EFNA5: variants seen among roughly 807,000 people sequenced by gnomAD.
EFNA5 encodes ephrin A5.
A neutral mutation model predicts 22.9 loss-of-function variants in EFNA5; 5 were observed. The ratio of observed to expected loss-of-function variants is 0.22; its 90% CI spans 0.11 to 0.46. EFNA5 has a LOEUF of 0.46. EFNA5 is among the 20% of genes least tolerant of loss of function. EFNA5 has a pLI of 0.99. For missense variants in EFNA5, 237 were observed against 293.3 expected (o/e 0.81, Z 1.40); for synonymous variants, 113 against 112.2 (o/e 1.01, Z -0.04).
At chr5:107,661,111 T>C (rs1331129617) in intron 1 of EFNA5, among the ~76,000 whole-genome samples, 1 of 142,120 alleles carries the variant, frequency 7.0e-6, no homozygotes, top group Non-Finnish European at 1.5e-5. Flanking sequence ...TTCATCTGTC[T>C]GTTAAAAAAA....
chr5:107,480,590 G>C (rs1750430991), intron 1 of EFNA5, among the ~76,000 whole-genome samples: 1 of 152,186 alleles, frequency 6.6e-6, no homozygotes, highest in African/African-American at 2.4e-5. Flanking sequence ...CTAGTGGAGA[G>C]GGGAGGTATC....
At chr5:107,484,384 T>G (rs1746521431) in intron 1 of EFNA5, among the ~76,000 whole-genome samples, 1 of 152,142 alleles carries the variant, frequency 6.6e-6, no homozygotes. Context: ...TGGAGAAATT[T>G]CTCTTACTGC....
At chr5:107,453,791 C>G (rs1482694726) in intron 1 of EFNA5, among the ~76,000 whole-genome samples, 1 of 152,118 alleles carries the variant, frequency 6.6e-6, no homozygotes, top group Non-Finnish European at 1.5e-5. Flanking sequence ...TGATATGATT[C>G]AAGAGTGCTC....
rs61305329 is a variant in EFNA5 at position 107,384,768 on chromosome 5, A to AT, written c.565+2466dup. ...CTGAGACTAAAGGCACACACACCACATTTTTTTTTTTTTTTTTTTTTTTTT... is the reference window on the plus strand; with the variant it reads ...CTGAGACTAAAGGCACACACACCACATTTTTTTTTTTTTTTTTTTTTTTTTT... On this transcript the variant is annotated intron_variant, in intron 4 of 4. Coordinates refer to ENST00000333274, the MANE Select transcript of EFNA5 (RefSeq NM_001962.3). 8.6e-3 allele frequency among the ~76,000 whole-genome samples: 795 copies of AT among 92,748 alleles called. 9 individuals carry two copies. The highest frequency in any genetic ancestry group is 0.037 in the Admixed American group (291 of 7,912). 60.8% of individuals were successfully genotyped at this position (92,748 alleles called of 152,430 possible).
At chr5:107,523,559 G>A (rs987635463) in intron 1 of EFNA5, among the ~76,000 whole-genome samples, 11 of 152,342 alleles carry the variant, frequency 7.2e-5, no homozygotes, top group Non-Finnish European at 1.3e-4. Context: ...AAGGAAGACA[G>A]TGGCATAAAG....
At chr5:107,390,577 C>T (rs10072838) in intron 2 of EFNA5, among the ~76,000 whole-genome samples, 2,123 of 152,042 alleles carry the variant, frequency 0.014, 42 homozygotes, top group African/African-American at 0.048. Flanking sequence ...AAACATGCCT[C>T]GTTTTTGTCA....
chr5:107,431,417 G>A (rs1392446663), intron 1 of EFNA5, among the ~76,000 whole-genome samples: 1 of 152,170 alleles, frequency 6.6e-6, no homozygotes, highest in Non-Finnish European at 1.5e-5. Context: ...ATACTGTGAA[G>A]GAGCACATAA....
At chr5:107,471,330 T>A (rs1026854780) in intron 1 of EFNA5, among the ~76,000 whole-genome samples, 2 of 152,182 alleles carry the variant, frequency 1.3e-5, no homozygotes, top group African/African-American at 4.8e-5. Context: ...TCCACTGGGC[T>A]TTCTTCAGTG....
chr5:107,650,226 G>T (rs930801334), intron 1 of EFNA5, among the ~76,000 whole-genome samples: 2 of 152,134 alleles, frequency 1.3e-5, no homozygotes, highest in Non-Finnish European at 2.9e-5. Context: ...TTGCAGACAC[G>T]CAATTCAACG....
At chr5:107,571,475 T>C (rs1748803448) in intron 1 of EFNA5, among the ~76,000 whole-genome samples, 1 of 128,904 alleles carries the variant, frequency 7.8e-6, no homozygotes, top group African/African-American at 2.5e-5. Context: ...ACAAAACGCT[T>C]CCTCAATCAC....
At chr5:107,527,493 G>A (rs1281024697) in intron 1 of EFNA5, among the ~76,000 whole-genome samples, 1 of 151,832 alleles carries the variant, frequency 6.6e-6, no homozygotes, top group African/African-American at 2.4e-5. Flanking sequence ...CACCATGTTG[G>A]CCAGGCTTAT....
At chr5:107,486,998 A>G (rs774696911) in intron 1 of EFNA5, among the ~76,000 whole-genome samples, 4 of 152,162 alleles carry the variant, frequency 2.6e-5, no homozygotes, top group Non-Finnish European at 5.9e-5. Context: ...TAAGACCTAC[A>G]TCTGTTCACA....
intron 1 of EFNA5, among the ~76,000 whole-genome samples, chr5:107,525,854 C>T (rs1238446499): frequency 2.0e-5 from 3 of 152,076 alleles, no homozygotes; most frequent in African/African-American, 7.2e-5. Context: ...TAAATGAATT[C>T]CTGTGCTTCA....
chr5:107,405,884 TAC>T lies in EFNA5; in HGVS notation c.419-18115_419-18114del, dbSNP rs1313390511. On this transcript the variant is annotated intron_variant, in intron 2 of 4. Coordinates refer to ENST00000333274, the MANE Select transcript of EFNA5 (RefSeq NM_001962.3). The stretch of plus-strand genomic sequence containing the variant: ...ATGTATACAAATACATATATTTGTA[TAC>T]ATATTCTATGTATTTATATACATAG... Among the ~76,000 whole-genome samples, 93 of 149,514 alleles carry T rather than the reference TAC, an allele frequency of 6.2e-4. 3 individuals are homozygous for T. The South Asian group carries it at 0.02, about 32-fold the overall frequency.
intron 1 of EFNA5, among the ~76,000 whole-genome samples, chr5:107,624,908 T>A (rs989642925): frequency 3.3e-5 from 5 of 152,144 alleles, no homozygotes; most frequent in South Asian, 2.1e-4. Context: ...TAAACATTCA[T>A]TTACCAACTA....
chr5:107,483,412 A>G (rs1026660397), intron 1 of EFNA5, among the ~76,000 whole-genome samples: 1 of 152,178 alleles, frequency 6.6e-6, no homozygotes, highest in African/African-American at 2.4e-5. Flanking sequence ...AATCCTAGCT[A>G]TAAGTCACAC....
intron 1 of EFNA5, among the ~76,000 whole-genome samples, chr5:107,609,213 G>A (rs971970644): frequency 3.3e-5 from 5 of 152,094 alleles, no homozygotes; most frequent in Admixed American, 2.0e-4. Context: ...CTAATAAAAC[G>A]CACTTGGTTG....
rs74909085 is a variant in EFNA5 at position 107,620,780 on chromosome 5, A to G, written c.125+49709T>C. 1.5e-3 allele frequency among the ~76,000 whole-genome samples: 224 copies of G among 152,348 alleles called. 4 individuals are homozygous for G. The East Asian group carries it at 0.035, about 24-fold the overall frequency. ...TTAACTTACAGGCTAAAGGAAAAAA[A>G]TACAGGCAAATAATTACAATATAAA... is the stretch of plus-strand genomic sequence containing the variant. On this transcript the variant is annotated intron_variant, in intron 1 of 4. Transcript: ENST00000333274.
intron 1 of EFNA5, among the ~76,000 whole-genome samples, chr5:107,437,203 T>G (rs1749133043): frequency 6.6e-6 from 1 of 152,226 alleles, no homozygotes; most frequent in Non-Finnish European, 1.5e-5. Context: ...GTTTTATGGC[T>G]TTCTTTTATG....
Sources: allele counts gnomAD v4.1 joint callset (sites outside exome capture counted in the v4.1 genomes callset), GRCh38; gene constraint gnomAD v4.1.1; transcripts MANE v1.5; gene names NCBI Gene and HGNC (gene_info 2026-07-23, HGNC 2026-07-21).